The following CELF2 variants were observed in gnomAD, a reference collection of about 807,000 sequenced individuals.
CELF2 encodes the protein CUGBP Elav-like family member 2, also known as CUG triplet repeat RNA-binding protein 2.
In CELF2, 8 loss-of-function variants were observed where a neutral mutation model predicts 62.6. The observed-to-expected ratio is 0.13, with a 90% CI of 0.07 to 0.23. The LOEUF (loss-of-function observed/expected upper bound fraction) is 0.23. Among genes scored for constraint, CELF2 ranks in the 10% least tolerant of loss-of-function variants. The probability of loss-of-function intolerance (pLI) is 1.00; values close to 1 mark genes in which losing one functional copy is unlikely to be tolerated. For synonymous variants in CELF2, 258 were observed against 250.0 expected (o/e 1.03, Z -0.30); for missense variants, 333 against 671.0 (o/e 0.50, Z 5.56).
chr10:10,560,354 G>A, the CELF2 span, among the ~76,000 whole-genome samples: 1 of 152,148 alleles, frequency 6.6e-6, no homozygotes, highest in African/African-American at 2.4e-5. Flanking sequence ...TATTATGGAT[G>A]GCCCTTGAAA....
chr10:10,864,625 G>C lies in CELF2; in HGVS notation c.54-55339G>C, dbSNP rs1189766743. 6.6e-5 allele frequency among the ~76,000 whole-genome samples: 10 copies of C among 152,194 alleles called. No individual in the cohort carries two copies. The South Asian group carries it at 1.7e-3, about 25-fold the overall frequency. Reference sequence around the variant, plus strand: ...TGGTTGGGGGAAGCGTTCTGGCTCAGGTCTCTCTTCTTATAAGGGCACTGA... The same window carrying C: ...TGGTTGGGGGAAGCGTTCTGGCTCACGTCTCTCTTCTTATAAGGGCACTGA... On this transcript the variant is annotated intron_variant, in intron 1 of 13. Coordinates refer to the CELF2 transcript ENST00000636488.
At chr10:10,897,545 T>C (rs530588555) in intron 1 of CELF2, among the ~76,000 whole-genome samples, 24 of 152,112 alleles carry the variant, frequency 1.6e-4, no homozygotes, top group Non-Finnish European at 2.5e-4. Context: ...GATAATATGC[T>C]CCAGACAATG....
At chr10:10,700,128 C>A in the CELF2 span, among the ~76,000 whole-genome samples, 1 of 152,182 alleles carries the variant, frequency 6.6e-6, no homozygotes, top group South Asian at 2.1e-4. Flanking sequence ...AGAAGTAATG[C>A]AGAAACTCTG....
chr10:11,146,398 A>G (rs764347612), intron 1 of CELF2, among the ~76,000 whole-genome samples: 2 of 152,242 alleles, frequency 1.3e-5, no homozygotes, highest in Non-Finnish European at 2.9e-5. Context: ...AATGGATAAG[A>G]TAATGTGTAA....
chr10:10,755,862 G>A, the CELF2 span, among the ~76,000 whole-genome samples: 2 of 152,046 alleles, frequency 1.3e-5, no homozygotes, highest in South Asian at 2.1e-4. Flanking sequence ...GATGCCAGAC[G>A]CACAACCAAA....
intron 1 of CELF2, among the ~76,000 whole-genome samples, chr10:11,113,168 G>C (rs1189196757): frequency 6.6e-6 from 1 of 152,210 alleles, no homozygotes; most frequent in Non-Finnish European, 1.5e-5. Flanking sequence ...AATATAGATG[G>C]CTTTCACTTG....
chr10:10,533,113 G>A, the CELF2 span, among the ~76,000 whole-genome samples: 1 of 152,302 alleles, frequency 6.6e-6, no homozygotes, highest in African/African-American at 2.4e-5. Context: ...TCAAAACCAT[G>A]ACAACTTACC....
chr10:10,867,192 A>G (rs1190485842), intron 1 of CELF2, among the ~76,000 whole-genome samples: 1 of 152,144 alleles, frequency 6.6e-6, no homozygotes, highest in Non-Finnish European at 1.5e-5. Context: ...GCCAATTTCA[A>G]GCTACCAACA....
the CELF2 span, among the ~76,000 whole-genome samples, chr10:10,549,437 C>A: frequency 1.3e-5 from 2 of 152,316 alleles, no homozygotes; most frequent in African/African-American, 2.4e-5. Context: ...GCACCCACCA[C>A]CACGCCTGGA....
intron 8 of CELF2, among the ~76,000 whole-genome samples, chr10:11,276,740 C>T (rs777963638): frequency 6.6e-6 from 1 of 152,226 alleles, no homozygotes; most frequent in Non-Finnish European, 1.5e-5. Flanking sequence ...GGTCCTGAGG[C>T]TGCTGCCGAG....
chr10:10,619,508 AAC>A, the CELF2 span, among the ~76,000 whole-genome samples: 1 of 152,196 alleles, frequency 6.6e-6, no homozygotes, highest in Non-Finnish European at 1.5e-5. Context: ...TGTGTTGGCG[AAC>A]ACACCATTGT....
At chr10:10,887,645 TC>T (rs1365312318) in intron 1 of CELF2, among the ~76,000 whole-genome samples, 1 of 152,226 alleles carries the variant, frequency 6.6e-6, no homozygotes, top group African/African-American at 2.4e-5. Flanking sequence ...AAAAAATTTT[TC>T]TAGTCCTTTT....
the CELF2 span, among the ~76,000 whole-genome samples, chr10:10,625,445 G>C: frequency 2.3e-4 from 35 of 150,734 alleles, no homozygotes; most frequent in African/African-American, 8.5e-4. Flanking sequence ...AGGCAACACT[G>C]CGTATCTCTG....
At chr10:10,714,009 T>C in the CELF2 span, among the ~76,000 whole-genome samples, 3 of 152,058 alleles carry the variant, frequency 2.0e-5, no homozygotes, top group Non-Finnish European at 4.4e-5. Context: ...CACTCCAGCC[T>C]GGGCAACAGA....
the CELF2 span, among the ~76,000 whole-genome samples, chr10:10,675,511 G>C: frequency 6.6e-6 from 1 of 151,972 alleles, no homozygotes; most frequent in African/African-American, 2.4e-5. Context: ...TCTGTGGTTT[G>C]GTGTCTGACA....
chr10:10,770,477 A>G, the CELF2 span, among the ~76,000 whole-genome samples: 3 of 152,122 alleles, frequency 2.0e-5, no homozygotes, highest in Non-Finnish European at 4.4e-5. Context: ...GAGAGGGTTC[A>G]GGCCAGCAGA....
chr10:11,205,638 G>A (rs2060251557), intron 2 of CELF2, among the ~76,000 whole-genome samples: 1 of 152,266 alleles, frequency 6.6e-6, no homozygotes, highest in South Asian at 2.1e-4. Context: ...GATTATGAAT[G>A]GGCATGAGAA....
At chr10:10,605,990 TAA>T in the CELF2 span, among the ~76,000 whole-genome samples, 2 of 152,214 alleles carry the variant, frequency 1.3e-5, no homozygotes, top group South Asian at 4.1e-4. Context: ...TTCAGGGCGA[TAA>T]GTCATTTTAC....
chr10:11,183,990 C>T lies in CELF2; in HGVS notation c.271+18308C>T, dbSNP rs2074184050. Among the ~76,000 whole-genome samples, 6 of 152,224 alleles carry T rather than the reference C, an allele frequency of 3.9e-5. 1 individual carries two copies. Among genetic ancestry groups the T allele is most frequent in the Admixed American group, 3.9e-4 (6 of 15,294 alleles). On this transcript the variant is annotated intron_variant, in intron 2 of 12. Coordinates refer to ENST00000633077, the MANE Select transcript of CELF2 (RefSeq NM_001326342.2). ...GTTTTATATCAAAGAAAACCTAACC[C>T]AAGGTCATAAAGGTTTTTTCTATAT...
Sources: allele counts gnomAD v4.1 joint callset (sites outside exome capture counted in the v4.1 genomes callset), GRCh38; gene constraint gnomAD v4.1.1; transcripts MANE v1.5; gene names NCBI Gene and HGNC (gene_info 2026-07-23, HGNC 2026-07-21).